Variants in TAFA2 observed in about 807,000 individuals in gnomAD.
TAFA2 encodes TAFA chemokine like family member 2.
Under a neutral mutation model 18.8 loss-of-function variants are expected in TAFA2, and 7 were observed. That is an observed-to-expected ratio of 0.37 (90% confidence interval 0.21 to 0.70). The LOEUF (loss-of-function observed/expected upper bound fraction) is 0.70. Among genes scored for constraint, TAFA2 ranks in the 30% least tolerant of loss-of-function variants. The pLI, the probability that TAFA2 is intolerant of heterozygous loss-of-function variation, is 0.53. For missense variants in TAFA2, 122 were observed against 158.1 expected (o/e 0.77, Z 1.23); for synonymous variants, 60 against 54.2 (o/e 1.11, Z -0.47).
At chr12:62,032,994 G>A (rs375826491) in intron 1 of TAFA2, among the ~76,000 whole-genome samples, 74 of 151,908 alleles carry the variant, frequency 4.9e-4, no homozygotes, top group Non-Finnish European at 8.4e-4. Flanking sequence ...GATCCAAACC[G>A]CAACCTCTTC....
At chr12:62,226,448 C>CG (rs1565783468) in intron 1 of TAFA2, among the ~76,000 whole-genome samples, 1 of 152,178 alleles carries the variant, frequency 6.6e-6, no homozygotes. Context: ...CCACCCTCCT[C>CG]GGCCTCCCAA....
At chr12:61,898,767 T>G (rs1254147796) in intron 1 of TAFA2, among the ~76,000 whole-genome samples, 1 of 152,240 alleles carries the variant, frequency 6.6e-6, no homozygotes, top group African/African-American at 2.4e-5. Context: ...CCCATTGACT[T>G]GATGATTAAC....
chr12:62,052,006 A>G (rs1299218908), intron 1 of TAFA2, among the ~76,000 whole-genome samples: 4 of 152,170 alleles, frequency 2.6e-5, no homozygotes, highest in Non-Finnish European at 4.4e-5. Flanking sequence ...ATATTTCCAT[A>G]AAACTTTAAT....
chr12:62,131,895 T>TTAGTATTTCTG (rs1341780473), intron 1 of TAFA2, among the ~76,000 whole-genome samples: 1 of 151,992 alleles, frequency 6.6e-6, no homozygotes, highest in Non-Finnish European at 1.5e-5. Flanking sequence ...TGATGACTGT[T>TTAGTATTTCTG]TCACTAGAAA....
chr12:61,811,629 C>T (rs952362207), intron 2 of TAFA2, among the ~76,000 whole-genome samples: 1 of 151,242 alleles, frequency 6.6e-6, no homozygotes, highest in South Asian at 2.1e-4. Flanking sequence ...TATAATATTG[C>T]AGAGTATTGT....
intron 2 of TAFA2, among the ~76,000 whole-genome samples, chr12:61,784,753 C>T (rs920911566): frequency 6.7e-6 from 1 of 150,096 alleles, no homozygotes; most frequent in Non-Finnish European, 1.5e-5. Context: ...GGAAGTTTTA[C>T]ATATTTAGTC....
intron 2 of TAFA2, among the ~76,000 whole-genome samples, chr12:61,790,944 A>G (rs749940251): frequency 6.6e-5 from 10 of 151,902 alleles, no homozygotes; most frequent in East Asian, 1.9e-4. Context: ...GCATCATATT[A>G]CCTGATTTCA....
In TAFA2 at chr12:61,916,304, A is replaced by G. The variant is rs560432482; in HGVS notation, c.-1-48878T>C. ...GCAGCTGACTTTCTGCAAGTTAATT[A>G]ACCTCTCTGAGTCTATGTTTCCTCA... On this transcript the variant is annotated intron_variant, in intron 1 of 4. Coordinates refer to ENST00000416284, the MANE Select transcript of TAFA2 (RefSeq NM_178539.5). 1.7e-4 allele frequency among the ~76,000 whole-genome samples: 26 copies of G among 152,320 alleles called. 1 individual carries two copies. In the South Asian group the frequency reaches 5.4e-3, roughly 32 times the overall value.
chr12:62,112,928 T>A (rs1357438808), intron 1 of TAFA2, among the ~76,000 whole-genome samples: 3 of 152,152 alleles, frequency 2.0e-5, no homozygotes, highest in African/African-American at 7.2e-5. Flanking sequence ...GGTTAGAACA[T>A]GCTCCTTTAA....
rs551595134 is a variant in TAFA2 at position 62,076,693 on chromosome 12, A to C, written c.-2+114566T>G. Among the ~76,000 whole-genome samples the C allele has an allele frequency of 1.0e-3, 157 of 152,338 alleles. 3 individuals are homozygous for C. In the South Asian group the frequency reaches 0.028, roughly 27 times the overall value. Reference sequence around the variant, plus strand: ...ACCCCCAAACAGAAGGGAATAAAACAATAGCTTCCACTAAATACTTTCTTC... The same window carrying C: ...ACCCCCAAACAGAAGGGAATAAAACCATAGCTTCCACTAAATACTTTCTTC... On this transcript the variant is annotated intron_variant, in intron 1 of 4. Coordinates refer to ENST00000416284, the MANE Select transcript of TAFA2 (RefSeq NM_178539.5).
chr12:62,147,326 G>GTATATATATATATA (rs1219861920), intron 1 of TAFA2, among the ~76,000 whole-genome samples: 1 of 19,560 alleles, frequency 5.1e-5, no homozygotes, highest in Admixed American at 7.4e-4. Context: ...GTGTATGTAT[G>GTATATATATATATA]TATATATATA....
At chr12:62,067,235 T>C (rs1882513533) in intron 1 of TAFA2, among the ~76,000 whole-genome samples, 1 of 152,074 alleles carries the variant, frequency 6.6e-6, no homozygotes, top group Non-Finnish European at 1.5e-5. Flanking sequence ...GAGGGGTAGT[T>C]TGCAAATATT....
At chr12:61,807,488 A>G (rs920829481) in intron 2 of TAFA2, among the ~76,000 whole-genome samples, 3 of 151,396 alleles carry the variant, frequency 2.0e-5, no homozygotes, top group Non-Finnish European at 2.9e-5. Context: ...ACATGAGGTC[A>G]GAACCCCCAC....
chr12:62,139,968 G>A (rs1219537726), intron 1 of TAFA2: 1 of 152,134 alleles, frequency 6.6e-6, no homozygotes, highest in African/African-American at 2.4e-5. Flanking sequence ...GCAGCAGGAG[G>A]AAAGACAGAG....
chr12:62,133,440 A>G lies in TAFA2; in HGVS notation c.-2+57819T>C, dbSNP rs116149801. On this transcript the variant is annotated intron_variant, in intron 1 of 4. Coordinates refer to ENST00000416284, the MANE Select transcript of TAFA2 (RefSeq NM_178539.5). The stretch of plus-strand genomic sequence containing the variant: ...CTCTTTCCTTTTGGATAATGTAGAT[A>G]CAAAGTCCAAAACTGGGCAAAACTA... 4.4e-3 allele frequency among the ~76,000 whole-genome samples: 672 copies of G among 152,098 alleles called. 6 individuals carry two copies. The highest frequency in any genetic ancestry group is 0.015 in the African/African-American group (624 of 41,518).
intron 2 of TAFA2, among the ~76,000 whole-genome samples, chr12:61,782,538 A>T (rs1171439358): frequency 6.6e-6 from 1 of 151,666 alleles, no homozygotes; most frequent in Non-Finnish European, 1.5e-5. Flanking sequence ...TTTTTTACAC[A>T]TGTTATACAA....
chr12:61,887,750 C>T (rs2121289097), intron 1 of TAFA2, among the ~76,000 whole-genome samples: 1 of 150,798 alleles, frequency 6.6e-6, no homozygotes, highest in East Asian at 1.9e-4. Context: ...CATGTCCCTA[C>T]AAAGGACATG....
At chr12:62,107,006 A>C (rs1256736967) in intron 1 of TAFA2, among the ~76,000 whole-genome samples, 1 of 152,178 alleles carries the variant, frequency 6.6e-6, no homozygotes, top group Non-Finnish European at 1.5e-5. Context: ...AAGCAGAACG[A>C]GAAAGGTTCT....
At chr12:61,906,987 G>GTTTTC (rs144469031) in intron 1 of TAFA2, among the ~76,000 whole-genome samples, 17 of 152,290 alleles carry the variant, frequency 1.1e-4, no homozygotes, top group African/African-American at 4.1e-4. Context: ...AAAGCATTCA[G>GTTTTC]TTTTATGTAT....
Sources: allele counts gnomAD v4.1 joint callset (sites outside exome capture counted in the v4.1 genomes callset), GRCh38; gene constraint gnomAD v4.1.1; transcripts MANE v1.5; gene names NCBI Gene and HGNC (gene_info 2026-07-23, HGNC 2026-07-21).